Variants in ATXN7L3 observed in about 807,000 individuals in gnomAD.
ATXN7L3 encodes ataxin-7-like protein 3.
A neutral mutation model predicts 50.0 loss-of-function variants in ATXN7L3; 6 were observed. The ratio of observed to expected loss-of-function variants is 0.12; its 90% CI spans 0.07 to 0.24. ATXN7L3 has a LOEUF of 0.24. Ranked by LOEUF, ATXN7L3 falls within the 10% of genes least tolerant of loss-of-function variation. The pLI is 1.00. For missense variants in ATXN7L3, 322 were observed against 451.3 expected, an observed-to-expected ratio of 0.71 and a Z score of 2.60; for synonymous variants, 198 against 165.8, an observed-to-expected ratio of 1.19 and a Z score of -1.49.
At position 44,191,955 on chromosome 17, in the gene ATXN7L3, T is replaced by C. The variant is rs910546912; in HGVS notation, c.*2308A>G. 6.4e-6 allele frequency: 1 copy of C among 156,302 alleles called. No individual in the cohort carries two copies. The highest frequency in any genetic ancestry group is 1.4e-5 in the Non-Finnish European group (1 of 73,392). 9.7% of individuals were successfully genotyped at this position (156,302 alleles called of 1,614,324 possible). On this transcript the variant is annotated 3_prime_UTR_variant, in exon 13 of 13. Coordinates refer to ENST00000587097, the MANE Select transcript of ATXN7L3 (RefSeq NM_001382309.1). ...CAGGACAGCGTGAGCCCCACCCCCCTCCCCCAATGACCCCAGCATGCGGTA... is the reference window on the plus strand; with the variant it reads ...CAGGACAGCGTGAGCCCCACCCCCCCCCCCCAATGACCCCAGCATGCGGTA...
Position 44,194,623 on chromosome 17 carries a change from A to G in ATXN7L3, c.789T>C (p.Thr263=), listed in dbSNP as rs774085192. The G allele has an allele frequency of 2.5e-6, 4 of 1,614,000 alleles. No homozygotes were observed. Among genetic ancestry groups the G allele is most frequent in the South Asian group, 1.1e-5 (1 of 91,074 alleles). Residue 263 remains threonine (T), a synonymous_variant, in exon 12 of 13, where the codon ACT becomes ACC. Coordinates refer to ENST00000587097, the MANE Select transcript of ATXN7L3 (RefSeq NM_001382309.1). ...SSLDNDSFDM[T]DSQALISRLQ... ...GCCGGCTGATCAGGGCCTGGCTGTCAGTCATGTCAAAGCTGTCATTATCCA... is the reference window on the plus strand; with the variant it reads ...GCCGGCTGATCAGGGCCTGGCTGTCGGTCATGTCAAAGCTGTCATTATCCA...
At position 44,194,228 on chromosome 17, in the gene ATXN7L3, C is replaced by T. The variant is rs373186611; in HGVS notation, c.*35G>A. ...CCTGGGTGGGGGTCAGGAGAGAGGG[C>T]TCTGCTCAGCCAAAGGCTATCCCTT... is the stretch of plus-strand genomic sequence containing the variant. On this transcript the variant is annotated 3_prime_UTR_variant, in exon 13 of 13. Transcript: ENST00000587097. The T allele has an allele frequency of 6.2e-7, 1 of 1,609,428 alleles. No individual in the cohort carries two copies. Among genetic ancestry groups the T allele is most frequent in the African/African-American group, 1.3e-5 (1 of 74,758 alleles).
At chr17:44,197,435 G>A (rs1412454518) in intron 3 of ATXN7L3, 36 bp from the exon 4 acceptor site, 2 of 1,576,416 alleles carry the variant, frequency 1.3e-6, no homozygotes, top group Non-Finnish European at 1.7e-6. Flanking sequence ...AGGGTGGGCA[G>A]GACCCTCTCC....
In ATXN7L3 at chr17:44,194,052, A is replaced by T; in HGVS notation, c.*211T>A. Reference sequence around the variant, plus strand: ...CTTATGTCCAAGGCATAATATGTCCAGGTCTGAGTCCTGCACGCCGAGGAG... The same window carrying T: ...CTTATGTCCAAGGCATAATATGTCCTGGTCTGAGTCCTGCACGCCGAGGAG... On this transcript the variant is annotated 3_prime_UTR_variant, in exon 13 of 13. Transcript: ENST00000587097. 1.6e-6 allele frequency: 1 copy of T among 612,770 alleles called. No individual in the cohort carries two copies. Among genetic ancestry groups the T allele is most frequent in the Non-Finnish European group, 2.8e-6 (1 of 354,056 alleles). The allele number at this position is 612,770 out of a possible 1,614,324, so 38.0% of individuals were successfully genotyped here.
At chr17:44,198,267 G>A in intron 1 of ATXN7L3, 137 bp from the exon 2 acceptor site, 2 of 580,140 alleles carry the variant, frequency 3.4e-6, no homozygotes, top group Non-Finnish European at 6.0e-6. Context: ...GGCTCCCTAA[G>A]TCTGGATGGT....
In ATXN7L3 at chr17:44,195,812, C is replaced by A; in HGVS notation, c.540G>T (p.Ser180=). 1 of 1,610,960 alleles carries A rather than the reference C, an allele frequency of 6.2e-7. No individual in the cohort carries two copies. Among genetic ancestry groups the A allele is most frequent in the Middle Eastern group, 1.7e-4 (1 of 6,058 alleles). ...GGCCCATACTCACCTTAAAAGGATC[C>A]GAATTGCTAAGTTCCCCTGAAGAAG... is the stretch of plus-strand genomic sequence containing the variant. The part of the protein sequence containing the change: ...LKHKNGELSN[S]DPFKYNNSTG... Residue 180 remains serine (S), a synonymous_variant, in exon 8 of 13, where the codon TCG becomes TCT. Transcript: ENST00000587097.
intron 1 of ATXN7L3, among the ~76,000 whole-genome samples, chr17:44,198,692 G>A (rs1312049782): frequency 6.6e-6 from 1 of 151,868 alleles, no homozygotes; most frequent in Non-Finnish European, 1.5e-5. Flanking sequence ...AGAGCCCACA[G>A]GAGCCTAGAG....
At position 44,196,550 on chromosome 17, in the gene ATXN7L3, C is replaced by A. The variant is rs950565735; in HGVS notation, c.455-132G>T. 111 of 1,129,416 alleles carry A rather than the reference C, an allele frequency of 9.8e-5. No individual in the cohort carries two copies. The Admixed American group carries it at 2.2e-3, about 22-fold the overall frequency. The allele number at this position is 1,129,416 out of a possible 1,614,324, so 70.0% of individuals were successfully genotyped here. A position where few individuals can be genotyped will look rare whatever the true frequency, so the allele number is the denominator to read the frequency against. On this transcript the variant is annotated intron_variant, in intron 5 of 12. Coordinates refer to ENST00000587097, the MANE Select transcript of ATXN7L3 (RefSeq NM_001382309.1). ...ATCCCAGCACTTTGGGAGGCCCAGG[C>A]GGGCAGATCACGAGGTCAGAAGATC...
In ATXN7L3 at chr17:44,198,004, G is replaced by C. The variant is rs777891817; in HGVS notation, c.51+16C>G. ...TCAAGAGAAAGAACTGGAGGCACAC[G>C]TGGGGGAGCCCTCACCTCTAGTTTG... is the stretch of plus-strand genomic sequence containing the variant. On this transcript the variant is annotated intron_variant, in intron 2 of 12. Transcript: ENST00000587097. 7.4e-6 allele frequency: 12 copies of C among 1,611,958 alleles called. No individual in the cohort carries two copies. The East Asian group carries it at 2.7e-4, about 36-fold the overall frequency.
At chr17:44,196,296 G>T in intron 6 of ATXN7L3, 100 bp downstream of exon 6, 2 of 1,174,524 alleles carry the variant, frequency 1.7e-6, no homozygotes, top group South Asian at 2.5e-5. Flanking sequence ...AGCCCCCAAT[G>T]ACCTCAGCCT....
intron 10 of ATXN7L3, 23 bp downstream of exon 10, chr17:44,195,074 C>T (rs1222485467): frequency 1.2e-6 from 2 of 1,613,734 alleles, no homozygotes; most frequent in Admixed American, 1.7e-5. Flanking sequence ...GCGCCTGGCC[C>T]CCTTTCTAGG....
chr17:44,196,845 CA>C, intron 5 of ATXN7L3, 83 bp downstream of exon 5: 1 of 889,990 alleles, frequency 1.1e-6, no homozygotes, highest in South Asian at 1.4e-5. Flanking sequence ...TCATTCAAGG[CA>C]ACAATTTGTG....
At position 44,192,598 on chromosome 17, in the gene ATXN7L3, G is replaced by A. The variant is rs1179926732; in HGVS notation, c.*1665C>T. On this transcript the variant is annotated 3_prime_UTR_variant, in exon 13 of 13. Transcript: ENST00000587097. ...GGGAGACTACGGAGGGCCAAGAATAGAGAAGCCCAGGCCCCGGGATTTATT... is the reference window on the plus strand; with the variant it reads ...GGGAGACTACGGAGGGCCAAGAATAAAGAAGCCCAGGCCCCGGGATTTATT... 6.6e-6 allele frequency: 1 copy of A among 152,188 alleles called. No individual in the cohort carries two copies. Among genetic ancestry groups the A allele is most frequent in the African/African-American group, 2.4e-5 (1 of 41,446 alleles). The allele number at this position is 152,188 out of a possible 1,614,324, so 9.4% of individuals were successfully genotyped here.
In ATXN7L3 at chr17:44,194,756, A is replaced by T; in HGVS notation, c.737+12T>A. ...GGTCACAACCCCCCACCCTTCCTGTAGGGCCACTTACGCCGAGGGCCCGAG... is the reference window on the plus strand; with the variant it reads ...GGTCACAACCCCCCACCCTTCCTGTTGGGCCACTTACGCCGAGGGCCCGAG... On this transcript the variant is annotated intron_variant, in intron 11 of 12. Transcript: ENST00000587097. The T allele has an allele frequency of 6.2e-7, 1 of 1,614,078 alleles. No homozygotes were observed. Among genetic ancestry groups the T allele is most frequent in the Non-Finnish European group, 8.5e-7 (1 of 1,179,954 alleles).
intron 6 of ATXN7L3, 42 bp downstream of exon 6, chr17:44,196,354 T>C (rs1214491798): frequency 6.2e-7 from 1 of 1,612,194 alleles, no homozygotes; most frequent in East Asian, 2.2e-5. Flanking sequence ...AGGGTATCTG[T>C]CCTTTACCCA....
At chr17:44,195,952 C>T in intron 7 of ATXN7L3, 82 bp downstream of exon 7, 9 of 1,558,242 alleles carry the variant, frequency 5.8e-6, no homozygotes, top group Admixed American at 1.7e-5. Context: ...ATTCCCCTAT[C>T]CCCGGGCCCC....
intron 5 of ATXN7L3, 139 bp downstream of exon 5, chr17:44,196,777 CAAAAAAAAAAAAA>C (rs34885873): frequency 5.2e-6 from 1 of 193,318 alleles, no homozygotes; most frequent in Non-Finnish European, 9.0e-6. Flanking sequence ...GAATCCATCT[CAAAAAAAAAAAAA>C]AAAAAAAAAG....
rs934902075 is a variant in ATXN7L3, at chr17:44,194,389, C to T, written c.918G>A (p.Arg306=). 1 of 1,614,054 alleles carries T rather than the reference C, an allele frequency of 6.2e-7. No individual in the cohort carries two copies. The highest frequency in any genetic ancestry group is 1.3e-5 in the African/African-American group (1 of 74,924). The change falls in exon 13 of 13, where the codon CGG becomes CGA. Residue 306 remains arginine (R), a synonymous_variant. Transcript: ENST00000587097. ...WGLGTNSSES[R]KTKKKKSHLS... ...GATGGGATTTCTTTTTCTTGGTTTT[C>T]CGTGACTCAGAGCTGTTGGTACCTG...
rs759619018 is a variant in ATXN7L3, at chr17:44,196,042, T to C, written c.515A>G (p.His172Arg). 6.2e-7 allele frequency: 1 copy of C among 1,611,660 alleles called. No individual in the cohort carries two copies. Among genetic ancestry groups the C allele is most frequent in the Non-Finnish European group, 8.5e-7 (1 of 1,178,006 alleles). ...NSPRRSKSLK[H>R]KNGELSNSDP... is the part of the protein sequence containing the mutation. ...GCTCCGGCTCCACTTACCATTTTTGTGTTTTAATGACTTGGATCTTCGAGG... is the reference window on the plus strand; with the variant it reads ...GCTCCGGCTCCACTTACCATTTTTGCGTTTTAATGACTTGGATCTTCGAGG... Residue 172 changes from histidine to arginine, a missense_variant, in exon 7 of 13, where the codon CAC (histidine) becomes CGC (arginine). Coordinates refer to ENST00000587097, the MANE Select transcript of ATXN7L3 (RefSeq NM_001382309.1).
Sources: allele counts gnomAD v4.1 joint callset (sites outside exome capture counted in the v4.1 genomes callset), GRCh38; gene constraint gnomAD v4.1.1; transcripts MANE v1.5; gene names NCBI Gene and HGNC (gene_info 2026-07-23, HGNC 2026-07-21).